The following PM20D1 variants were observed in gnomAD, a reference collection of about 807,000 sequenced individuals.
The protein encoded by PM20D1 is N-fatty-acyl-amino acid synthase/hydrolase PM20D1.
PM20D1 carries 53 observed loss-of-function variants against 53.8 expected under a neutral mutation model. That is an observed-to-expected ratio of 0.98 (90% CI 0.79 to 1.24). PM20D1 has a LOEUF of 1.24. Among genes scored for constraint, PM20D1 ranks in the 50% most tolerant of loss-of-function variants. The pLI is 0.00. For missense variants in PM20D1, 564 were observed against 616.8 expected, an observed-to-expected ratio of 0.91 and a Z score of 0.91; for synonymous variants, 239 against 241.3, an observed-to-expected ratio of 0.99 and a Z score of 0.09.
At chr1:205,837,980 G>T (rs1459385236) in intron 10 of PM20D1, among the ~76,000 whole-genome samples, 1 of 152,114 alleles carries the variant, frequency 6.6e-6, no homozygotes, top group Non-Finnish European at 1.5e-5. Context: ...GGCTCACATT[G>T]GTCCTAACTA....
At chr1:205,849,143 C>T (rs1657070695) in intron 1 of PM20D1, among the ~76,000 whole-genome samples, 2 of 152,182 alleles carry the variant, frequency 1.3e-5, no homozygotes, top group Non-Finnish European at 2.9e-5. Flanking sequence ...CAGGCAGTCT[C>T]TCTTAATCCA....
chr1:205,845,403 C>T lies in PM20D1; in HGVS notation c.411G>A (p.Glu137=), dbSNP rs755521726. 4 of 1,614,086 alleles carry T rather than the reference C, an allele frequency of 2.5e-6. No homozygotes were observed. The African/African-American group carries it at 4.0e-5, about 16-fold the overall frequency. The change falls in exon 3 of 13, where the codon GAG becomes GAA. Residue 137 remains glutamate, a synonymous_variant. Transcript: ENST00000367136. Reference sequence around the variant, plus strand: ...GCTCCAACCCAGAGAATGGGGGCACCTCCCAGCCTTCTTCAGGGGCAGGCA... The same window carrying T: ...GCTCCAACCCAGAGAATGGGGGCACTTCCCAGCCTTCTTCAGGGGCAGGCA... ...DVVPAPEEGW[E]VPPFSGLERD...
Position 205,840,331 on chromosome 1 carries a change from GAGA to G in PM20D1, c.1045-11_1045-9del. The G allele has an allele frequency of 6.2e-7, 1 of 1,612,684 alleles. No individual in the cohort carries two copies. Among genetic ancestry groups the G allele is most frequent in the Non-Finnish European group, 8.5e-7 (1 of 1,179,162 alleles). ...TGGGGGGATGACATTGAACTAGAGA[GAGA>G]AGCACAAAACCCTGGCTTGAGTCAA... On this transcript the variant is annotated splice_polypyrimidine_tract_variant and intron_variant, in intron 9 of 12. Coordinates refer to ENST00000367136, the MANE Select transcript of PM20D1 (RefSeq NM_152491.5).
intron 12 of PM20D1, among the ~76,000 whole-genome samples, chr1:205,829,185 G>T (rs823084): frequency 0.47 from 71,244 of 151,798 alleles, 17,683 homozygotes; most frequent in Non-Finnish European, 0.52. Context: ...GTGTGGCTAA[G>T]TTTTTTATTT....
intron 3 of PM20D1, among the ~76,000 whole-genome samples, 183 bp from the exon 4 acceptor site, chr1:205,845,080 A>G (rs1009483452): frequency 6.6e-5 from 10 of 152,144 alleles, no homozygotes; most frequent in Admixed American, 3.9e-4. Context: ...AACGTTTACC[A>G]CCTGGAGAAG....
At chr1:205,847,018 T>C (rs1440298461) in intron 2 of PM20D1, among the ~76,000 whole-genome samples, 5 of 135,400 alleles carry the variant, frequency 3.7e-5, no homozygotes, top group African/African-American at 1.4e-4. Context: ...TTTTTTTTTT[T>C]TTTTTTTTTT....
rs1248737403 is a variant in PM20D1, at chr1:205,832,769, C to A, written c.1117-3G>T. On this transcript the variant is annotated splice_polypyrimidine_tract_variant and splice_region_variant and intron_variant, in intron 10 of 12. Transcript: ENST00000367136. ...ATGTTCTTCGTGAGTTCTAGGACCT[C>A]CAGGGTAGAAACAAAGGGGGTTCGA... is the stretch of plus-strand genomic sequence containing the variant. The A allele has an allele frequency of 6.4e-7, 1 of 1,573,274 alleles. No individual in the cohort carries two copies. Among genetic ancestry groups the A allele is most frequent in the Non-Finnish European group, 8.6e-7 (1 of 1,159,422 alleles).
In PM20D1 at chr1:205,843,723, G is replaced by C; in HGVS notation, c.771C>G (p.His257Gln). 1 of 1,614,194 alleles carries C rather than the reference G, an allele frequency of 6.2e-7. No homozygotes were observed. Among genetic ancestry groups the C allele is most frequent in the Non-Finnish European group, 8.5e-7 (1 of 1,180,028 alleles). The change falls in exon 6 of 13, where the codon CAC (histidine) becomes CAG (glutamine). Residue 257 changes from histidine (H) to glutamine (Q), a missense_variant. Coordinates refer to ENST00000367136, the MANE Select transcript of PM20D1 (RefSeq NM_152491.5). ...LMLQVNMTSG[H>Q]SSAPPKETSI... ...TTGTCTCCTTTGGAGGAGCTGAAGAGTGGCCTGAAGTCATGTTTACTTGCA... is the reference window on the plus strand; with the variant it reads ...TTGTCTCCTTTGGAGGAGCTGAAGACTGGCCTGAAGTCATGTTTACTTGCA...
intron 9 of PM20D1, 101 bp from the exon 10 acceptor site, chr1:205,840,424 T>A: frequency 9.4e-7 from 1 of 1,069,208 alleles, no homozygotes; most frequent in Non-Finnish European, 1.4e-6. Context: ...CAGAGTTGGC[T>A]GATTTGACTT....
Position 205,844,092 on chromosome 1 carries a change from G to T in PM20D1, c.702C>A (p.Ile234=), listed in dbSNP as rs749295349. The T allele has an allele frequency of 6.2e-7, 1 of 1,611,272 alleles. No individual in the cohort carries two copies. Among genetic ancestry groups the T allele is most frequent in the South Asian group, 1.1e-5 (1 of 90,634 alleles). The change falls in exon 5 of 13, where the codon ATC becomes ATA. Residue 234 remains isoleucine, a synonymous_variant. Coordinates refer to ENST00000367136, the MANE Select transcript of PM20D1 (RefSeq NM_152491.5). ...DDFIPNFKKP[I]ALIAVSEKGS... Reference sequence around the variant, plus strand: ...GGGTGGGATGCTTTACTCACAAGGCGATGGGCTTCTTGAAGTTAGGAATGA... The same window carrying T: ...GGGTGGGATGCTTTACTCACAAGGCTATGGGCTTCTTGAAGTTAGGAATGA...
chr1:205,843,626 A>G (rs960343346), intron 6 of PM20D1, 41 bp downstream of exon 6: 2 of 1,588,118 alleles, frequency 1.3e-6, no homozygotes, highest in Non-Finnish European at 1.7e-6. Context: ...CAGGGCTTCC[A>G]TCTCAAGTCT....
intron 2 of PM20D1, among the ~76,000 whole-genome samples, chr1:205,846,733 C>A (rs1292128069): frequency 2.0e-5 from 3 of 151,838 alleles, no homozygotes; most frequent in Non-Finnish European, 1.5e-5. Flanking sequence ...GTCAATTATT[C>A]AAGCGACCTT....
intron 12 of PM20D1, 183 bp downstream of exon 12, chr1:205,830,097 G>T: frequency 3.8e-6 from 2 of 521,070 alleles, no homozygotes; most frequent in South Asian, 5.8e-5. Flanking sequence ...ATTCTAGGGG[G>T]TGACAATGAG....
intron 11 of PM20D1, 36 bp downstream of exon 11, chr1:205,832,562 C>A: frequency 6.2e-7 from 1 of 1,609,994 alleles, no homozygotes; most frequent in Non-Finnish European, 8.5e-7. Flanking sequence ...GTTCCAGCCC[C>A]CTCCTCCCTC....
intron 12 of PM20D1, among the ~76,000 whole-genome samples, chr1:205,829,537 C>T (rs1656511554): frequency 6.6e-6 from 1 of 152,146 alleles, no homozygotes; most frequent in Non-Finnish European, 1.5e-5. Flanking sequence ...TGAAACAAAA[C>T]AGAGCAAAAC....
At chr1:205,837,461 A>G (rs554320625) in intron 10 of PM20D1, among the ~76,000 whole-genome samples, 2 of 152,298 alleles carry the variant, frequency 1.3e-5, no homozygotes, top group Admixed American at 1.3e-4. Flanking sequence ...TGTTCCTCAC[A>G]GATAGGTGCT....
rs200159366 is a variant in PM20D1, at chr1:205,832,630, G to A, written c.1253C>T (p.Ser418Phe). 18 of 1,614,048 alleles carry A rather than the reference G, an allele frequency of 1.1e-5. No homozygotes were observed. The African/African-American group carries it at 1.9e-4, about 17-fold the overall frequency. ...AGTAATATTGACTTCCGGGAAGACG[G>A]ACTGTACGGTCTGGCGGAGCAGCTG... The part of the protein sequence containing the change: ...GYQLLRQTVQ[S>F]VFPEVNITAP... The change falls in exon 11 of 13, where the codon TCC (serine) becomes TTC (phenylalanine). Residue 418 changes from serine (S) to phenylalanine (F), a missense_variant. Physicochemically the swap from Ser to Phe is radical, Grantham distance 155. Transcript: ENST00000367136.
At position 205,842,586 on chromosome 1, in the gene PM20D1, T is replaced by C; in HGVS notation, c.903+90A>G. 5.5e-6 allele frequency: 7 copies of C among 1,275,456 alleles called. 1 individual carries two copies. In the South Asian group the frequency reaches 8.5e-5, roughly 15 times the overall value. The allele number at this position is 1,275,456 out of a possible 1,614,324, so 79.0% of individuals were successfully genotyped here. On this transcript the variant is annotated intron_variant, in intron 7 of 12. Transcript: ENST00000367136. ...TGAGAATAGGCAGAGTGCTGGACAG[T>C]ACTAGGGTCCTTTTCTTACTCTAAA... is the stretch of plus-strand genomic sequence containing the variant.
At chr1:205,833,815 G>C (rs1656619246) in intron 10 of PM20D1, among the ~76,000 whole-genome samples, 1 of 151,964 alleles carries the variant, frequency 6.6e-6, no homozygotes, top group Admixed American at 6.6e-5. Flanking sequence ...CATAGCTGCA[G>C]ATCACCTGAA....
Sources: allele counts gnomAD v4.1 joint callset (sites outside exome capture counted in the v4.1 genomes callset), GRCh38; gene constraint gnomAD v4.1.1; transcripts MANE v1.5; gene names NCBI Gene and HGNC (gene_info 2026-07-23, HGNC 2026-07-21).